SIL1: variants seen among roughly 807,000 people sequenced by gnomAD.
SIL1 encodes the protein nucleotide exchange factor SIL1.
A neutral mutation model predicts 49.1 loss-of-function variants in SIL1; 40 were observed. The ratio of observed to expected loss-of-function variants is 0.81; its 90% CI spans 0.63 to 1.06. The LOEUF is 1.06. SIL1 is among the 50% of genes least tolerant of loss of function. The probability of loss-of-function intolerance (pLI) is 0.00; values close to 1 mark genes in which losing one functional copy is unlikely to be tolerated. For synonymous variants in SIL1, 253 were observed against 250.8 expected, an observed-to-expected ratio of 1.01 and a Z score of -0.08; for missense variants, 500 against 572.6, an observed-to-expected ratio of 0.87 and a Z score of 1.29.
At position 139,008,407 on chromosome 5, in the gene SIL1, A is replaced by G. The variant is rs1213319603; in HGVS notation, c.767+12764T>C. On this transcript the variant is annotated intron_variant, in intron 7 of 9. Coordinates refer to ENST00000394817, the MANE Select transcript of SIL1 (RefSeq NM_022464.5). ...ATCAATTTTGTTGATCCTTTCAAAA[A>G]ACCAGCTCCTGGATTCATTGATTTT... is the stretch of plus-strand genomic sequence containing the variant. Among the ~76,000 whole-genome samples the G allele has an allele frequency of 4.0e-5, 5 of 124,690 alleles. No homozygotes were observed. In the Middle Eastern group the frequency reaches 0.016, roughly 393 times the overall value. 81.8% of individuals were successfully genotyped at this position (124,690 alleles called of 152,430 possible). A position where few individuals can be genotyped will look rare whatever the true frequency, so the allele number is the denominator to read the frequency against.
Position 139,121,116 on chromosome 5 carries a change from CT to C in SIL1, c.162del (p.Glu55LysfsTer39). The C allele has an allele frequency of 6.2e-7, 1 of 1,614,218 alleles. No individual in the cohort carries two copies. On this transcript the variant is annotated frameshift_variant, in exon 3 of 10. Coordinates refer to ENST00000394817, the MANE Select transcript of SIL1 (RefSeq NM_022464.5). LOFTEE classifies it high-confidence loss of function. ...TCCAGCTCCTCCTCGGCTTTGGTTT[CT>C]TTTCTCTCTGTTTCTTTGGTGCTGC... is the stretch of plus-strand genomic sequence containing the variant. Reference protein sequence around the residue: ...EKSSTKETERKETKAEEELDA... With the variant: ...EKSSTKETERXETKAEEELDA...
At chr5:138,978,784 A>T (rs1367425019) in intron 7 of SIL1, among the ~76,000 whole-genome samples, 2 of 152,170 alleles carry the variant, frequency 1.3e-5, no homozygotes, top group Admixed American at 1.3e-4. Context: ...GTTGAGCATC[A>T]TTTCCTGTAC....
intron 7 of SIL1, among the ~76,000 whole-genome samples, chr5:138,987,082 ATTATTTTATTTTATTTTATT>A (rs58117206): frequency 5.2e-5 from 7 of 135,450 alleles, no homozygotes; most frequent in African/African-American, 8.2e-5. Flanking sequence ...TTTATGATAG[ATTATTTTATTTTATTTTATT>A]TTATTTTATT....
chr5:138,978,295 GTA>G, intron 7 of SIL1, among the ~76,000 whole-genome samples: 1 of 151,330 alleles, frequency 6.6e-6, no homozygotes, highest in African/African-American at 2.4e-5. Flanking sequence ...GAATCATCCA[GTA>G]TGTGGTGCTT....
chr5:138,981,307 C>T (rs1047623778), intron 7 of SIL1, among the ~76,000 whole-genome samples: 4 of 151,798 alleles, frequency 2.6e-5, no homozygotes, highest in African/African-American at 7.3e-5. Context: ...GGACCACAAG[C>T]TGATAATGGC....
intron 7 of SIL1, among the ~76,000 whole-genome samples, chr5:138,994,230 C>T (rs868059050): frequency 6.6e-6 from 1 of 151,944 alleles, no homozygotes; most frequent in Non-Finnish European, 1.5e-5. Flanking sequence ...TTAAATGATA[C>T]GATTATCTAC....
intron 3 of SIL1, among the ~76,000 whole-genome samples, chr5:139,114,984 G>C (rs1770957085): frequency 6.6e-6 from 1 of 152,340 alleles, no homozygotes; most frequent in South Asian, 2.1e-4. Flanking sequence ...GCTTAGGCAT[G>C]AAGTGTCCTG....
intron 3 of SIL1, among the ~76,000 whole-genome samples, chr5:139,095,318 C>T (rs1020224535): frequency 1.2e-4 from 17 of 144,260 alleles, no homozygotes; most frequent in Admixed American, 7.1e-4. Flanking sequence ...GGCTGGAGTA[C>T]GGTGGTGCGA....
At chr5:139,102,124 A>G (rs1770601236) in intron 3 of SIL1, among the ~76,000 whole-genome samples, 1 of 152,254 alleles carries the variant, frequency 6.6e-6, no homozygotes, top group South Asian at 2.1e-4. Context: ...AAAACTGGAA[A>G]CCATCTAAAT....
At chr5:139,003,175 A>G (rs1313966838) in intron 7 of SIL1, among the ~76,000 whole-genome samples, 2 of 152,070 alleles carry the variant, frequency 1.3e-5, no homozygotes, top group South Asian at 4.1e-4. Context: ...TCCAAGATAG[A>G]GCTTCCATTC....
chr5:139,061,776 G>A (rs969922069), intron 3 of SIL1, among the ~76,000 whole-genome samples: 1 of 152,168 alleles, frequency 6.6e-6, no homozygotes, highest in Non-Finnish European at 1.5e-5. Flanking sequence ...CCTACAGGTA[G>A]GTGTTAAGAG....
At chr5:139,173,988 A>G (rs1751829943) in intron 1 of SIL1, among the ~76,000 whole-genome samples, 1 of 151,294 alleles carries the variant, frequency 6.6e-6, no homozygotes, top group Non-Finnish European at 1.5e-5. Context: ...AAAAAACAGG[A>G]AAGATCACAG....
At chr5:139,048,797 CG>C (rs1561842167) in intron 4 of SIL1, among the ~76,000 whole-genome samples, 1 of 152,140 alleles carries the variant, frequency 6.6e-6, no homozygotes, top group Non-Finnish European at 1.5e-5. Context: ...GTATTGTGGA[CG>C]AAAGAAGTTT....
At chr5:138,959,756 T>G (rs1401266368) in intron 7 of SIL1, among the ~76,000 whole-genome samples, 1 of 152,210 alleles carries the variant, frequency 6.6e-6, no homozygotes, top group Admixed American at 6.5e-5. Flanking sequence ...CCCTCAGGGA[T>G]CCAGGCTGGA....
At chr5:139,119,273 A>T (rs1254883264) in intron 3 of SIL1, among the ~76,000 whole-genome samples, 1 of 152,144 alleles carries the variant, frequency 6.6e-6, no homozygotes, top group Non-Finnish European at 1.5e-5. Flanking sequence ...TTTAGCCATT[A>T]ATAGCAGCCC....
chr5:139,093,549 T>C (rs903493857), intron 3 of SIL1, among the ~76,000 whole-genome samples: 3 of 152,204 alleles, frequency 2.0e-5, no homozygotes, highest in African/African-American at 7.2e-5. Flanking sequence ...TTGGTTCTTC[T>C]CCGTGATGGT....
chr5:139,028,220 C>G (rs1304445786), intron 5 of SIL1, among the ~76,000 whole-genome samples: 1 of 151,894 alleles, frequency 6.6e-6, no homozygotes, highest in Non-Finnish European at 1.5e-5. Context: ...AAGGTTTTGG[C>G]CGGGCACAGT....
intron 7 of SIL1, among the ~76,000 whole-genome samples, chr5:138,956,216 G>T (rs1766898028): frequency 6.6e-6 from 1 of 152,196 alleles, no homozygotes; most frequent in Non-Finnish European, 1.5e-5. Context: ...ACATCTCAGG[G>T]GTATATGGGG....
intron 7 of SIL1, among the ~76,000 whole-genome samples, chr5:138,970,407 TG>T (rs1310512571): frequency 1.3e-5 from 2 of 152,192 alleles, no homozygotes; most frequent in African/African-American, 2.4e-5. Context: ...ACAGATCAGT[TG>T]GAAGTTGTTT....
Sources: allele counts gnomAD v4.1 joint callset (sites outside exome capture counted in the v4.1 genomes callset), GRCh38; gene constraint gnomAD v4.1.1; transcripts MANE v1.5; gene names NCBI Gene and HGNC (gene_info 2026-07-23, HGNC 2026-07-21).